HS6ST3: variants seen among roughly 807,000 people sequenced by gnomAD.
HS6ST3 encodes heparan sulfate 6-O-sulfotransferase 3.
Under a neutral mutation model 36.7 loss-of-function variants are expected in HS6ST3, and 12 were observed. The observed-to-expected ratio is 0.33, with a 90% CI of 0.21 to 0.53. The LOEUF (loss-of-function observed/expected upper bound fraction) is 0.53, where lower values mean the gene tolerates loss of function less well. HS6ST3 is among the 20% of genes least tolerant of loss of function. The pLI, the probability that HS6ST3 is intolerant of heterozygous loss-of-function variation, is 0.95. For missense variants in HS6ST3, 584 were observed against 640.9 expected, an observed-to-expected ratio of 0.91 and a Z score of 0.96; for synonymous variants, 240 against 257.5, an observed-to-expected ratio of 0.93 and a Z score of 0.65.
chr13:96,683,082 C>T (rs2138439075), intron 1 of HS6ST3, among the ~76,000 whole-genome samples: 1 of 152,144 alleles, frequency 6.6e-6, no homozygotes, highest in Non-Finnish European at 1.5e-5. Context: ...CTAGTCTCTG[C>T]CTTGTATATT....
intron 1 of HS6ST3, among the ~76,000 whole-genome samples, chr13:96,482,317 G>A (rs1484279211): frequency 6.6e-6 from 1 of 152,278 alleles, no homozygotes; most frequent in East Asian, 1.9e-4. Flanking sequence ...TCCCAGTGGA[G>A]GCTGAATGAG....
chr13:96,663,259 C>T (rs1336197239), intron 1 of HS6ST3, among the ~76,000 whole-genome samples: 1 of 152,178 alleles, frequency 6.6e-6, no homozygotes, highest in Non-Finnish European at 1.5e-5. Flanking sequence ...TCCTGACTCT[C>T]AGTTTAGACT....
intron 1 of HS6ST3, among the ~76,000 whole-genome samples, chr13:96,426,535 G>C (rs764195600): frequency 2.6e-5 from 4 of 152,092 alleles, no homozygotes; most frequent in Non-Finnish European, 5.9e-5. Flanking sequence ...TTTTCAATTA[G>C]AGTCTTACAT....
chr13:96,317,866 T>A (rs911384935), intron 1 of HS6ST3, among the ~76,000 whole-genome samples: 1 of 152,132 alleles, frequency 6.6e-6, no homozygotes, highest in South Asian at 2.1e-4. Flanking sequence ...AGTCTTCTTT[T>A]AAGATGTGTC....
intron 1 of HS6ST3, among the ~76,000 whole-genome samples, chr13:96,484,634 G>A (rs559751447): frequency 3.7e-4 from 57 of 152,222 alleles, no homozygotes; most frequent in African/African-American, 1.1e-3. Context: ...TTCACTTAGC[G>A]TAATGTCCTC....
intron 1 of HS6ST3, among the ~76,000 whole-genome samples, chr13:96,215,151 A>C (rs964877109): frequency 1.6e-4 from 24 of 152,254 alleles, no homozygotes; most frequent in African/African-American, 4.3e-4. Context: ...TCTGTGTTAT[A>C]GTGTCTGTGT....
chr13:96,614,582 T>C (rs907148059), intron 1 of HS6ST3, among the ~76,000 whole-genome samples: 1 of 152,162 alleles, frequency 6.6e-6, no homozygotes, highest in Non-Finnish European at 1.5e-5. Flanking sequence ...TTTGTATGAG[T>C]TGATCTTTCA....
chr13:96,420,581 C>T (rs1051526313), intron 1 of HS6ST3, among the ~76,000 whole-genome samples: 76 of 152,154 alleles, frequency 5.0e-4, no homozygotes, highest in Admixed American at 1.7e-3. Flanking sequence ...GAAACATAGC[C>T]GATAATTGAT....
chr13:96,390,275 G>A (rs767115738), intron 1 of HS6ST3, among the ~76,000 whole-genome samples: 2 of 152,130 alleles, frequency 1.3e-5, no homozygotes, highest in Admixed American at 6.6e-5. Context: ...ATATTAGATT[G>A]CTAAATGTAC....
chr13:96,542,780 A>T (rs1002492957), intron 1 of HS6ST3, among the ~76,000 whole-genome samples: 1 of 152,136 alleles, frequency 6.6e-6, no homozygotes, highest in African/African-American at 2.4e-5. Flanking sequence ...TCTCTAGGAG[A>T]TATTTTCTCA....
chr13:96,126,693 C>G (rs1225801197), intron 1 of HS6ST3, among the ~76,000 whole-genome samples: 1 of 152,114 alleles, frequency 6.6e-6, no homozygotes, highest in African/African-American at 2.4e-5. Context: ...TTGGCTATCT[C>G]TTGGAACAAT....
chr13:96,815,712 A>AG (rs147715481), intron 1 of HS6ST3, among the ~76,000 whole-genome samples: 2,869 of 152,290 alleles, frequency 0.019, 83 homozygotes, highest in African/African-American at 0.065. Flanking sequence ...ATGGTACAGG[A>AG]GGGGTCCACT....
chr13:96,245,668 G>C (rs576026237), intron 1 of HS6ST3, among the ~76,000 whole-genome samples: 2 of 152,020 alleles, frequency 1.3e-5, no homozygotes, highest in African/African-American at 4.8e-5. Flanking sequence ...GGTACCCTCT[G>C]GGCTTGTCTA....
At chr13:96,818,415 A>T (rs1053246846) in intron 1 of HS6ST3, among the ~76,000 whole-genome samples, 6 of 152,164 alleles carry the variant, frequency 3.9e-5, no homozygotes, top group Non-Finnish European at 8.8e-5. Flanking sequence ...TTTCCAGCAT[A>T]ATTTGGTTTT....
At chr13:96,473,578 A>G (rs964646670) in intron 1 of HS6ST3, among the ~76,000 whole-genome samples, 1 of 152,196 alleles carries the variant, frequency 6.6e-6, no homozygotes, top group Non-Finnish European at 1.5e-5. Context: ...TCTTGTCTCC[A>G]GCTGCTCAGG....
intron 1 of HS6ST3, among the ~76,000 whole-genome samples, chr13:96,763,088 A>G (rs1411700981): frequency 6.6e-6 from 1 of 152,158 alleles, no homozygotes; most frequent in Non-Finnish European, 1.5e-5. Flanking sequence ...TCTTGTTTAG[A>G]TTCTTTGGAG....
chr13:96,091,158 G>T lies in HS6ST3; in HGVS notation c.296G>T (p.Arg99Leu). The T allele has an allele frequency of 6.5e-7, 1 of 1,539,222 alleles. No homozygotes were observed. ...EEEDEEPGDP[R>L]EGEEEEEEDE... ...GAGGACGAGGAGCCCGGAGACCCCC[G>T]GGAGGGGGAGGAAGAGGAGGAGGAA... Residue 99 changes from arginine (R) to leucine (L), a missense_variant, in exon 1 of 2, where the codon CGG becomes CTG. Arg to Leu is a moderately radical substitution (Grantham distance 102). Around this residue, in one of 3 missense-constraint regions of HS6ST3, gnomAD observed 217 missense variants for 205.4 expected, o/e 1.06. Coordinates refer to ENST00000376705, the MANE Select transcript of HS6ST3 (RefSeq NM_153456.4).
Position 96,832,927 on chromosome 13 carries a change from C to T in HS6ST3, c.1145C>T (p.Thr382Met), listed in dbSNP as rs1417931169. 2 of 1,614,180 alleles carry T rather than the reference C, an allele frequency of 1.2e-6. No individual in the cohort carries two copies. The highest frequency in any genetic ancestry group is 2.2e-5 in the East Asian group (1 of 44,882). ...FISPFTQFNITRASNVEINEG... is the reference protein window; with the variant it reads ...FISPFTQFNIMRASNVEINEG... ...TCCCCCTTCACACAGTTCAACATCACGCGGGCTTCTAACGTGGAGATCAAC... is the reference window on the plus strand; with the variant it reads ...TCCCCCTTCACACAGTTCAACATCATGCGGGCTTCTAACGTGGAGATCAAC... The change falls in exon 2 of 2, where the codon ACG (threonine) becomes ATG (methionine). Residue 382 changes from threonine to methionine, a missense_variant. Thr to Met is a moderately conservative substitution (Grantham distance 81). Coordinates refer to ENST00000376705, the MANE Select transcript of HS6ST3 (RefSeq NM_153456.4).
intron 1 of HS6ST3, among the ~76,000 whole-genome samples, chr13:96,363,175 T>G (rs2139436810): frequency 6.6e-6 from 1 of 152,238 alleles, no homozygotes; most frequent in East Asian, 1.9e-4. Context: ...CTTGCAAATC[T>G]AAATACATTC....
Sources: allele counts gnomAD v4.1 joint callset (sites outside exome capture counted in the v4.1 genomes callset), GRCh38; gene constraint gnomAD v4.1.1; regional missense constraint gnomAD v4.1.1; transcripts MANE v1.5; gene names NCBI Gene and HGNC (gene_info 2026-07-23, HGNC 2026-07-21).